Variants in SAMD4A observed in about 807,000 individuals in gnomAD.
SAMD4A encodes the protein protein Smaug homolog 1.
SAMD4A carries 33 observed loss-of-function variants against 81.3 expected under a neutral mutation model. That is an observed-to-expected ratio of 0.41 (90% CI 0.31 to 0.54). The LOEUF (loss-of-function observed/expected upper bound fraction) is 0.54, where lower values mean the gene tolerates loss of function less well. Ranked by LOEUF, SAMD4A falls within the 20% of genes least tolerant of loss-of-function variation. The pLI, the probability that SAMD4A is intolerant of heterozygous loss-of-function variation, is 0.37. For synonymous variants in SAMD4A, 389 were observed against 382.1 expected (o/e 1.02, Z -0.21); for missense variants, 854 against 951.1 (o/e 0.90, Z 1.34).
At chr14:54,591,949 C>A (rs559742327) in intron 2 of SAMD4A, among the ~76,000 whole-genome samples, 3 of 152,158 alleles carry the variant, frequency 2.0e-5, no homozygotes, top group Admixed American at 2.0e-4. Context: ...CTCCATGAGC[C>A]CTGTTTCAGT....
At chr14:54,784,742 G>C in intron 12 of SAMD4A, 122 bp downstream of exon 12, 1 of 887,502 alleles carries the variant, frequency 1.1e-6, no homozygotes, top group East Asian at 2.4e-5. Context: ...AGGAGGGGTA[G>C]GCAGGGGACA....
intron 2 of SAMD4A, among the ~76,000 whole-genome samples, chr14:54,568,717 A>G (rs1336502656): frequency 7.9e-6 from 1 of 126,146 alleles, no homozygotes; most frequent in Non-Finnish European, 1.7e-5. Context: ...ATATATATAT[A>G]TATATATATA....
chr14:54,765,459 C>CG (rs892211145), intron 8 of SAMD4A, among the ~76,000 whole-genome samples: 33 of 97,574 alleles, frequency 3.4e-4, no homozygotes, highest in South Asian at 2.8e-4. Context: ...CCTGTCACTA[C>CG]GAAAAAAAAA....
rs936598983 is a variant in SAMD4A at position 54,789,115 on chromosome 14, T to C, written c.*171T>C. 1.6e-5 allele frequency: 11 copies of C among 681,430 alleles called. No homozygotes were observed. The highest frequency in any genetic ancestry group is 2.4e-4 in the Middle Eastern group (1 of 4,114). The allele number at this position is 681,430 out of a possible 1,614,324, so 42.2% of individuals were successfully genotyped here. A position where few individuals can be genotyped will look rare whatever the true frequency, so the allele number is the denominator to read the frequency against. On this transcript the variant is annotated 3_prime_UTR_variant, in exon 13 of 13. Coordinates refer to ENST00000554335, the MANE Select transcript of SAMD4A (RefSeq NM_015589.6). ...AGCGTAGGTCATCCTCGTAAACATATCAGTAGACCTGGGGTTGGTTATTTT... is the reference window on the plus strand; with the variant it reads ...AGCGTAGGTCATCCTCGTAAACATACCAGTAGACCTGGGGTTGGTTATTTT...
rs988049595 is a variant in SAMD4A, at chr14:54,705,890, T to C, written c.715+3310T>C. Among the ~76,000 whole-genome samples the C allele has an allele frequency of 2.2e-4, 33 of 152,204 alleles. 1 individual carries two copies. Among genetic ancestry groups the C allele is most frequent in the African/African-American group, 8.0e-4 (33 of 41,448 alleles). ...TCCTTTTTGCTGGACTTATCATCCA[T>C]AGAAATTTCATATAACAATTCATGA... On this transcript the variant is annotated intron_variant, in intron 3 of 12. Coordinates refer to ENST00000554335, the MANE Select transcript of SAMD4A (RefSeq NM_015589.6).
At chr14:54,691,340 G>A (rs1024720210) in intron 2 of SAMD4A, among the ~76,000 whole-genome samples, 1 of 152,028 alleles carries the variant, frequency 6.6e-6, no homozygotes, top group Non-Finnish European at 1.5e-5. Context: ...AAAGCCAAGG[G>A]CCCTCATCTG....
intron 2 of SAMD4A, among the ~76,000 whole-genome samples, chr14:54,660,988 G>A (rs190088691): frequency 1.8e-3 from 267 of 152,276 alleles, no homozygotes; most frequent in Non-Finnish European, 2.7e-3. Context: ...TCCACCTATG[G>A]ACTTGATCAG....
intron 4 of SAMD4A, among the ~76,000 whole-genome samples, chr14:54,745,034 C>T (rs1353099274): frequency 6.6e-6 from 1 of 152,224 alleles, no homozygotes; most frequent in Non-Finnish European, 1.5e-5. Context: ...CTTCCCTGAT[C>T]TTCAAGTACT....
chr14:54,739,049 C>A (rs1465004117), intron 4 of SAMD4A, among the ~76,000 whole-genome samples: 1 of 77,596 alleles, frequency 1.3e-5, no homozygotes, highest in Non-Finnish European at 2.2e-5. Context: ...TTCTTTCTTT[C>A]CTTTTCTTTT....
chr14:54,690,976 T>A (rs2036418511), intron 2 of SAMD4A, among the ~76,000 whole-genome samples: 1 of 152,080 alleles, frequency 6.6e-6, no homozygotes, highest in Admixed American at 6.5e-5. Flanking sequence ...TTTAGAAGGT[T>A]TGTTTCCAGG....
intron 11 of SAMD4A, among the ~76,000 whole-genome samples, chr14:54,779,079 G>T (rs1319956954): frequency 1.3e-5 from 2 of 152,234 alleles, no homozygotes; most frequent in East Asian, 3.8e-4. Flanking sequence ...CATAGAGTCA[G>T]GGTCCTCATC....
At chr14:54,688,026 G>C in intron 2 of SAMD4A, 1 of 985,606 alleles carries the variant, frequency 1.0e-6, no homozygotes, top group South Asian at 4.7e-5. Flanking sequence ...AAAAGGAGAA[G>C]GACAAAGTGG....
intron 4 of SAMD4A, among the ~76,000 whole-genome samples, chr14:54,740,982 G>A (rs1340408455): frequency 6.6e-6 from 1 of 152,212 alleles, no homozygotes; most frequent in Non-Finnish European, 1.5e-5. Context: ...CCCAAGAGAA[G>A]TGGGAAACAA....
chr14:54,666,607 C>T (rs775362355), intron 2 of SAMD4A, among the ~76,000 whole-genome samples: 3 of 152,204 alleles, frequency 2.0e-5, no homozygotes, highest in Non-Finnish European at 4.4e-5. Flanking sequence ...CCTGGCCATT[C>T]TCCTGCTAAC....
At chr14:54,651,584 C>A (rs1055175391) in intron 2 of SAMD4A, among the ~76,000 whole-genome samples, 2 of 152,146 alleles carry the variant, frequency 1.3e-5, no homozygotes, top group Non-Finnish European at 2.9e-5. Context: ...ATTTCAAGAA[C>A]TTACTAGTAA....
At chr14:54,650,403 T>G (rs971056494) in intron 2 of SAMD4A, among the ~76,000 whole-genome samples, 4 of 152,238 alleles carry the variant, frequency 2.6e-5, no homozygotes, top group Admixed American at 1.3e-4. Context: ...TTGCATTTGT[T>G]GGAATGGCCC....
chr14:54,618,450 A>G (rs2034540912), intron 2 of SAMD4A, among the ~76,000 whole-genome samples: 1 of 152,250 alleles, frequency 6.6e-6, no homozygotes, highest in Non-Finnish European at 1.5e-5. Flanking sequence ...ACTGAGAAGC[A>G]ATCACAAAGG....
intron 2 of SAMD4A, among the ~76,000 whole-genome samples, chr14:54,668,566 T>TA (rs2035804231): frequency 6.6e-6 from 1 of 152,190 alleles, no homozygotes; most frequent in Admixed American, 6.5e-5. Context: ...TCTATCTCTG[T>TA]CCTTACTTGG....
chr14:54,602,397 C>T (rs1594718501), intron 2 of SAMD4A, among the ~76,000 whole-genome samples: 1 of 151,636 alleles, frequency 6.6e-6, no homozygotes, highest in African/African-American at 2.4e-5. Context: ...ATAGCACAGA[C>T]AGTGGCTTTC....
Sources: allele counts gnomAD v4.1 joint callset (sites outside exome capture counted in the v4.1 genomes callset), GRCh38; gene constraint gnomAD v4.1.1; transcripts MANE v1.5; gene names NCBI Gene and HGNC (gene_info 2026-07-23, HGNC 2026-07-21).